HDLBP: variants seen among roughly 807,000 people sequenced by gnomAD.
HDLBP encodes the protein vigilin.
A neutral mutation model predicts 137.3 loss-of-function variants in HDLBP; 30 were observed. The ratio of observed to expected loss-of-function variants is 0.22; its 90% CI spans 0.16 to 0.30. HDLBP has a LOEUF of 0.30. Ranked by LOEUF, HDLBP falls within the 10% of genes least tolerant of loss-of-function variation. HDLBP has a pLI of 1.00. For missense variants in HDLBP, 1,119 were observed against 1,667.3 expected, an observed-to-expected ratio of 0.67 and a Z score of 5.73; for synonymous variants, 606 against 596.0, an observed-to-expected ratio of 1.02 and a Z score of -0.24.
In HDLBP at chr2:241,272,711, C is replaced by A; in HGVS notation, c.-102-4170G>T. The A allele has an allele frequency of 1.7e-6, 1 of 603,842 alleles. No homozygotes were observed. The highest frequency in any genetic ancestry group is 2.1e-6 in the Non-Finnish European group (1 of 485,412). 37.4% of individuals were successfully genotyped at this position (603,842 alleles called of 1,614,324 possible). Reference sequence around the variant, plus strand: ...ACCCCCCCGCCCGGCAGCCCGCCCGCCCCGTCCGCCCGCCCGCCCAGGCCT... The same window carrying A: ...ACCCCCCCGCCCGGCAGCCCGCCCGACCCGTCCGCCCGCCCGCCCAGGCCT... On this transcript the variant is annotated intron_variant, in intron 1 of 27. Transcript: ENST00000310931. This position sits in a 1 kb window ranked among gnomAD's most constrained non-coding sequence, Gnocchi z 5.6.
Position 241,238,502 on chromosome 2 carries a change from G to T in HDLBP, c.2749+147C>A, listed in dbSNP as rs776362930. ...GTCCATCTTTTAAAGGCCAGGGAGT[G>T]ACCCTGAACCTCTGGAAGCCCCCAG... On this transcript the variant is annotated intron_variant, in intron 20 of 27. Transcript: ENST00000310931. The surrounding 1 kb of genome is among the most constrained non-coding windows in gnomAD (Gnocchi z 4.9). The T allele has an allele frequency of 3.4e-6, 2 of 582,878 alleles. No individual in the cohort carries two copies. Among genetic ancestry groups the T allele is most frequent in the Non-Finnish European group, 5.7e-6 (2 of 353,006 alleles). The allele number at this position is 582,878 out of a possible 1,614,324, so 36.1% of individuals were successfully genotyped here. A position where few individuals can be genotyped will look rare whatever the true frequency, so the allele number is the denominator to read the frequency against.
intron 1 of HDLBP, among the ~76,000 whole-genome samples, chr2:241,282,229 C>G (rs1309465193): frequency 1.3e-5 from 2 of 152,144 alleles, no homozygotes; most frequent in African/African-American, 2.4e-5. Flanking sequence ...TACAAGCAGG[C>G]CTTTCATGGA....
At chr2:241,267,943 T>C in intron 2 of HDLBP, 1 of 985,318 alleles carries the variant, frequency 1.0e-6, no homozygotes, top group Non-Finnish European at 1.2e-6. Context: ...ATGTGAAAAA[T>C]GGGGTACATT....
In HDLBP at chr2:241,255,515, G is replaced by A. The variant is rs776059022; in HGVS notation, c.939C>T (p.Pro313=). 6.2e-7 allele frequency: 1 copy of A among 1,614,028 alleles called. No individual in the cohort carries two copies. Among genetic ancestry groups the A allele is most frequent in the Non-Finnish European group, 8.5e-7 (1 of 1,179,902 alleles). Residue 313 remains proline (P), a synonymous_variant, in exon 8 of 28, where the codon CCC becomes CCT. Coordinates refer to ENST00000310931, the MANE Select transcript of HDLBP (RefSeq NM_005336.6). ...GGATCTCCTGCAATGAATTGCCCTTGGGCCCAATGACATACTTGTGTTGGG... is the reference window on the plus strand; with the variant it reads ...GGATCTCCTGCAATGAATTGCCCTTAGGCCCAATGACATACTTGTGTTGGG... ...KKSQHKYVIG[P]KGNSLQEILE...
At chr2:241,299,816 G>A (rs1012716526) in intron 1 of HDLBP, among the ~76,000 whole-genome samples, 4 of 152,106 alleles carry the variant, frequency 2.6e-5, no homozygotes, top group African/African-American at 9.7e-5. Context: ...TGGGGAGGCT[G>A]AGGCAGGAGA....
intron 1 of HDLBP, among the ~76,000 whole-genome samples, chr2:241,300,290 G>T (rs2075348146): frequency 6.6e-6 from 1 of 152,158 alleles, no homozygotes; most frequent in African/African-American, 2.4e-5. Context: ...CTGAGCCCCA[G>T]TCGTACACTG....
In HDLBP at chr2:241,255,143, C is replaced by T. The variant is rs201275944; in HGVS notation, c.1096G>A (p.Val366Ile). 1.5e-5 allele frequency: 25 copies of T among 1,614,070 alleles called. No individual in the cohort carries two copies. The highest frequency in any genetic ancestry group is 1.7e-4 in the Middle Eastern group (1 of 6,060). Residue 366 changes from valine to isoleucine, a missense_variant, in exon 9 of 28, where the codon GTC (valine) becomes ATC (isoleucine). Val to Ile is a conservative substitution (Grantham distance 29). Coordinates refer to ENST00000310931, the MANE Select transcript of HDLBP (RefSeq NM_005336.6). ...EVYAKANSFT[V>I]SSVAAPSWLH... ...CAGGAAGGGGCGGCGACAGAGGAGA[C>T]GGTGAAGCTATTGGCCTAAGAAAAT...
At chr2:241,294,419 T>C (rs2075108473) in intron 1 of HDLBP, among the ~76,000 whole-genome samples, 1 of 152,210 alleles carries the variant, frequency 6.6e-6, no homozygotes, top group Admixed American at 6.5e-5. Flanking sequence ...CAGAGATTAA[T>C]CATTATAGAC....
chr2:241,293,471 C>T (rs2149663044), intron 1 of HDLBP, among the ~76,000 whole-genome samples: 1 of 151,874 alleles, frequency 6.6e-6, no homozygotes, highest in East Asian at 1.9e-4. Flanking sequence ...GCACTCCCAG[C>T]CTGGGTGGCA....
At chr2:241,242,818 A>C in intron 16 of HDLBP, 140 bp from the exon 17 acceptor site, 1 of 742,326 alleles carries the variant, frequency 1.3e-6, no homozygotes. Context: ...GCACTGACCA[A>C]ACTTCTCCAA....
chr2:241,242,882 T>C, intron 16 of HDLBP: 1 of 589,610 alleles, frequency 1.7e-6, no homozygotes, highest in Non-Finnish European at 3.0e-6. Context: ...GAGAGTGGGG[T>C]GCGCCCAGCA....
Position 241,227,550 on chromosome 2 carries a change from A to C in HDLBP, c.*2051T>G, listed in dbSNP as rs1010478939. The C allele has an allele frequency of 6.6e-6, 1 of 152,642 alleles. No individual in the cohort carries two copies. Among genetic ancestry groups the C allele is most frequent in the African/African-American group, 2.4e-5 (1 of 41,444 alleles). The allele number at this position is 152,642 out of a possible 1,614,324, so 9.5% of individuals were successfully genotyped here. ...AGACAGGCCTGGGGACAGTCATGTCATCACCCTTGCAACAACCACCCAAAG... is the reference window on the plus strand; with the variant it reads ...AGACAGGCCTGGGGACAGTCATGTCCTCACCCTTGCAACAACCACCCAAAG... On this transcript the variant is annotated 3_prime_UTR_variant, in exon 28 of 28. Coordinates refer to ENST00000310931, the MANE Select transcript of HDLBP (RefSeq NM_005336.6).
In HDLBP at chr2:241,266,881, C is replaced by T. The variant is rs533769941; in HGVS notation, c.-12G>A. 10 of 1,613,930 alleles carry T rather than the reference C, an allele frequency of 6.2e-6. No individual in the cohort carries two copies. The highest frequency in any genetic ancestry group is 2.7e-5 in the African/African-American group (2 of 75,050). Reference sequence around the variant, plus strand: ...GCAACGGAACTCATGGTTGATCTCACACCTACACACAATCCGGGAAAACCA... The same window carrying T: ...GCAACGGAACTCATGGTTGATCTCATACCTACACACAATCCGGGAAAACCA... On this transcript the variant is annotated 5_prime_UTR_variant, in exon 3 of 28. It adds an upstream start codon to the 5' untranslated region. Coordinates refer to ENST00000310931, the MANE Select transcript of HDLBP (RefSeq NM_005336.6).
Position 241,235,240 on chromosome 2 carries a change from G to A in HDLBP, c.3025C>T (p.Pro1009Ser), listed in dbSNP as rs1237972796. 3 of 1,614,210 alleles carry A rather than the reference G, an allele frequency of 1.9e-6. No individual in the cohort carries two copies. The highest frequency in any genetic ancestry group is 1.3e-5 in the African/African-American group (1 of 75,056). ...ATGTCAGACTGCAGCTCAGGTGCCGGGACATGTATGTTCACCTACGTGAAG... is the reference window on the plus strand; with the variant it reads ...ATGTCAGACTGCAGCTCAGGTGCCGAGACATGTATGTTCACCTACGTGAAG... ...MDEFEVNIHVPAPELQSDIIA... is the reference protein window; with the variant it reads ...MDEFEVNIHVSAPELQSDIIA... The change falls in exon 23 of 28, where the codon CCG becomes TCG. Residue 1009 changes from proline (P) to serine (S), a missense_variant. By Grantham distance (74) the Pro-to-Ser change is moderately conservative. Transcript: ENST00000310931.
intron 1 of HDLBP, among the ~76,000 whole-genome samples, chr2:241,311,672 C>G (rs2075761697): frequency 6.6e-6 from 1 of 152,128 alleles, no homozygotes; most frequent in African/African-American, 2.4e-5. Context: ...ACTGAGCAAG[C>G]AGCAAGCAAA....
chr2:241,230,658 C>T lies in HDLBP; in HGVS notation c.3474+101G>A, dbSNP rs926055302. ...ACTGCCAGCCCTGGGGTTGTGGCCT[C>T]ATCATCTTGAGGGGAAGGCCATGCC... On this transcript the variant is annotated intron_variant, in intron 25 of 27. Coordinates refer to ENST00000310931, the MANE Select transcript of HDLBP (RefSeq NM_005336.6). The surrounding 1 kb of genome is among the most constrained non-coding windows in gnomAD (Gnocchi z 5.0). The T allele has an allele frequency of 3.5e-5, 36 of 1,020,782 alleles. No homozygotes were observed. Among genetic ancestry groups the T allele is most frequent in the Non-Finnish European group, 5.0e-5 (34 of 680,562 alleles). The allele number at this position is 1,020,782 out of a possible 1,614,324, so 63.2% of individuals were successfully genotyped here.
chr2:241,249,158 G>A (rs1255389085), intron 12 of HDLBP, among the ~76,000 whole-genome samples: 2 of 152,170 alleles, frequency 1.3e-5, no homozygotes, highest in East Asian at 3.9e-4. Context: ...GGCTATAAAA[G>A]AGGTCTGCCA....
chr2:241,231,633 T>C (rs1186959736), intron 24 of HDLBP, among the ~76,000 whole-genome samples: 3 of 152,088 alleles, frequency 2.0e-5, no homozygotes, highest in South Asian at 2.1e-4. Flanking sequence ...GGCATCTTTG[T>C]GCTGGAGGCT....
chr2:241,253,343 C>G lies in HDLBP; in HGVS notation c.1293+50G>C, dbSNP rs375995728. The G allele has an allele frequency of 1.7e-4, 223 of 1,308,396 alleles. No homozygotes were observed. The African/African-American group carries it at 2.7e-3, about 16-fold the overall frequency. 81.0% of individuals were successfully genotyped at this position (1,308,396 alleles called of 1,614,324 possible). A position where few individuals can be genotyped will look rare whatever the true frequency, so the allele number is the denominator to read the frequency against. On this transcript the variant is annotated intron_variant, in intron 10 of 27. Transcript: ENST00000310931. ...GAGAGATGACCGCCCATGCCCAACT[C>G]AGAGCCTCCCTTGTCACCAGCACAC...
Sources: gnomAD v4.1 joint callset for allele counts (sites outside exome capture counted in the v4.1 genomes callset) on GRCh38, gnomAD v4.1.1 for gene constraint, Gnocchi (gnomAD v3.1) non-coding constraint, MANE v1.5 for transcripts, NCBI Gene and HGNC (gene_info 2026-07-23, HGNC 2026-07-21) for gene names.